SHROOM4: variants seen among roughly 807,000 people sequenced by gnomAD.
The protein encoded by SHROOM4 is shroom family member 4.
Under a neutral mutation model 80.3 loss-of-function variants are expected in SHROOM4, and 17 were observed. That is an observed-to-expected ratio of 0.21 (90% CI 0.14 to 0.32). SHROOM4 has a LOEUF of 0.32. SHROOM4 is among the 10% of genes least tolerant of loss of function. The pLI, the probability that SHROOM4 is intolerant of heterozygous loss-of-function variation, is 1.00. For missense variants in SHROOM4, 993 were observed against 1,140.3 expected, an observed-to-expected ratio of 0.87 and a Z score of 1.86; for synonymous variants, 400 against 437.5, an observed-to-expected ratio of 0.91 and a Z score of 1.07.
chrX:50,627,629 G>A lies in SHROOM4; in HGVS notation c.2942C>T (p.Thr981Ile). 8.3e-7 allele frequency: 1 copy of A among 1,210,854 alleles called. No individual in the cohort carries two copies. Among genetic ancestry groups the A allele is most frequent in the East Asian group, 3.0e-5 (1 of 33,820 alleles). Residue 981 changes from threonine to isoleucine, a missense_variant, in exon 5 of 9, where the codon ACC (threonine) becomes ATC (isoleucine). Coordinates refer to ENST00000376020, the MANE Select transcript of SHROOM4 (RefSeq NM_020717.5). ...KWNPITGNRK[T>I]SQSGREMAHS... ...GCTCACTTACCTCCCTGACTGGCTG[G>A]TCTTCCTGTTTCCTGTTATTGGATT...
At chrX:50,779,872 TC>T (rs1227324782) in intron 1 of SHROOM4, among the ~76,000 whole-genome samples, 1 of 111,404 alleles carries the variant, frequency 9.0e-6, no homozygotes, top group Non-Finnish European at 1.9e-5. Context: ...GGAAGGACAT[TC>T]CTGGAAGGGG....
downstream of SHROOM4, among the ~76,000 whole-genome samples, chrX:50,583,669 G>T (rs1302229963): frequency 9.0e-6 from 1 of 111,312 alleles, no homozygotes; most frequent in Non-Finnish European, 1.9e-5. Flanking sequence ...GCCACTAGGA[G>T]GTGAGGGTGG....
At chrX:50,760,721 A>G (rs1417452947) in intron 1 of SHROOM4, among the ~76,000 whole-genome samples, 1 of 111,704 alleles carries the variant, frequency 9.0e-6, no homozygotes, top group Non-Finnish European at 1.9e-5. Context: ...TTTACATGGT[A>G]TATCTTTCTC....
chrX:50,664,928 GACAC>G (rs782486964), intron 2 of SHROOM4, among the ~76,000 whole-genome samples: 34 of 100,874 alleles, frequency 3.4e-4, no homozygotes, highest in South Asian at 8.8e-4. Flanking sequence ...ACACCACACA[GACAC>G]ACACACACAC....
chrX:50,673,072 A>G (rs938550373), intron 2 of SHROOM4, among the ~76,000 whole-genome samples: 1 of 111,723 alleles, frequency 9.0e-6, no homozygotes, highest in East Asian at 2.8e-4. Context: ...AAATGACAAA[A>G]GAAGGATTCC....
rs1386888176 is a variant in SHROOM4, at chrX:50,590,078, A to T, written c.*6617T>A. On this transcript the variant is annotated 3_prime_UTR_variant, in exon 9 of 9. Coordinates refer to ENST00000376020, the MANE Select transcript of SHROOM4 (RefSeq NM_020717.5). The stretch of plus-strand genomic sequence containing the variant: ...GCTTGCTAGCCAGTTGCATATTGCT[A>T]TAAGCTGAATGTTTGTGTCCTCTCC... 9.0e-6 allele frequency among the ~76,000 whole-genome samples: 1 copy of T among 111,525 alleles called. No individual in the cohort carries two copies. Among genetic ancestry groups the T allele is most frequent in the African/African-American group, 3.3e-5 (1 of 30,652 alleles).
intron 1 of SHROOM4, among the ~76,000 whole-genome samples, chrX:50,781,353 T>C (rs1385423185): frequency 1.8e-5 from 2 of 109,955 alleles, no homozygotes; most frequent in Non-Finnish European, 3.8e-5. Flanking sequence ...AGCTCCATAT[T>C]ACACTCACGA....
At position 50,687,267 on chromosome X, in the gene SHROOM4, C is replaced by CTTTTTTTTTTTTT. The variant is rs1217867502; in HGVS notation, c.269+8506_269+8518dup. On this transcript the variant is annotated intron_variant, in intron 2 of 8. Coordinates refer to ENST00000376020, the MANE Select transcript of SHROOM4 (RefSeq NM_020717.5). ...CTATTCAACTTTGCCATTTTGGTGT[C>CTTTTTTTTTTTTT]TTTTTTTTTTTTTTTTAAAAACAGC... 3.8e-3 allele frequency: 336 copies of CTTTTTTTTTTTTT among 88,703 alleles called. 4 individuals are homozygous for CTTTTTTTTTTTTT. The highest frequency in any genetic ancestry group is 0.014 in the African/African-American group (314 of 21,988). The allele number at this position is 88,703 out of a possible 1,213,427, so 7.3% of individuals were successfully genotyped here. A position where few individuals can be genotyped will look rare whatever the true frequency, so the allele number is the denominator to read the frequency against.
At chrX:50,784,456 C>T (rs191622119) in intron 1 of SHROOM4, among the ~76,000 whole-genome samples, 124 of 111,882 alleles carry the variant, frequency 1.1e-3, no homozygotes, top group African/African-American at 3.8e-3. Context: ...AGTCAATGCA[C>T]CTGGCCTGGA....
the SHROOM4 span, among the ~76,000 whole-genome samples, chrX:50,576,814 A>G: frequency 8.9e-6 from 1 of 111,977 alleles, no homozygotes; most frequent in Non-Finnish European, 1.9e-5. Context: ...GTCTACAGAC[A>G]TTTTAACGGT....
At position 50,635,138 on chromosome X, in the gene SHROOM4, C is replaced by T. The variant is rs150409450; in HGVS notation, c.935G>A (p.Ser312Asn). 1.6e-4 allele frequency: 188 copies of T among 1,209,041 alleles called. No homozygotes were observed. The African/African-American group carries it at 3.0e-3, about 19-fold the overall frequency. The change falls in exon 4 of 9, where the codon AGC (serine) becomes AAC (asparagine). Residue 312 changes from serine to asparagine, a missense_variant. Transcript: ENST00000376020. ...CCTTGCGGGTAGCACAGGCTCTAAG[C>T]TCAGTTTCTCCTTCTGTGGCAAGGG... ...VVPLPQKEKL[S>N]LEPVLPARNP... is the part of the protein sequence containing the mutation.
At position 50,590,725 on chromosome X, in the gene SHROOM4, G is replaced by T. The variant is rs1366518674; in HGVS notation, c.*5970C>A. ...TAAGACAATCAGTCTATGGTAGTAT[G>T]TTATAGCAACCCAAGCATACTAAAA... On this transcript the variant is annotated 3_prime_UTR_variant, in exon 9 of 9. Transcript: ENST00000376020. 2.7e-5 allele frequency among the ~76,000 whole-genome samples: 3 copies of T among 112,299 alleles called. No homozygotes were observed. Among genetic ancestry groups the T allele is most frequent in the Admixed American group, 9.4e-5 (1 of 10,648 alleles).
rs1929762355 is a variant in SHROOM4, at chrX:50,607,910, T to C, written c.3232A>G (p.Arg1078Gly). 7 of 1,211,593 alleles carry C rather than the reference T, an allele frequency of 5.8e-6. No homozygotes were observed. In the Admixed American group the frequency reaches 1.3e-4, roughly 23 times the overall value. The change falls in exon 6 of 9, where the codon AGG (arginine) becomes GGG (glycine). Residue 1078 changes from arginine to glycine, a missense_variant. Arg to Gly is a moderately radical substitution (Grantham distance 125). Transcript: ENST00000376020. ...QSTRAWGQHR[R>G]ELFSKGDETQ... The stretch of plus-strand genomic sequence containing the variant: ...TCATCACCTTTGCTAAAGAGCTCCC[T>C]CCTATGCTGCCCCCAGGCCCGGGTG...
At position 50,735,765 on chromosome X, in the gene SHROOM4, T is replaced by C. The variant is rs782804460; in HGVS notation, c.118-39828A>G. ...GCTCACGCCTGTAATCCCAACACTT[T>C]GGGAGGCTGAGGTGGGCGGATCACG... On this transcript the variant is annotated intron_variant, in intron 1 of 8. Coordinates refer to ENST00000376020, the MANE Select transcript of SHROOM4 (RefSeq NM_020717.5). Among the ~76,000 whole-genome samples the C allele has an allele frequency of 1.3e-4, 14 of 111,559 alleles. No individual in the cohort carries two copies. In the East Asian group the frequency reaches 4.0e-3, roughly 32 times the overall value.
chrX:50,699,875 T>A (rs1307822340), intron 1 of SHROOM4, among the ~76,000 whole-genome samples: 2 of 112,039 alleles, frequency 1.8e-5, no homozygotes, highest in Non-Finnish European at 3.8e-5. Flanking sequence ...TTGAATACAT[T>A]TAGGAGATGA....
intron 1 of SHROOM4, among the ~76,000 whole-genome samples, chrX:50,748,258 G>C (rs906255707): frequency 1.8e-5 from 2 of 111,818 alleles, no homozygotes; most frequent in Middle Eastern, 4.6e-3. Flanking sequence ...ACTGACATAT[G>C]GGGAACAGTT....
At chrX:50,609,263 A>G (rs1401929975) in intron 5 of SHROOM4, among the ~76,000 whole-genome samples, 1 of 95,138 alleles carries the variant, frequency 1.1e-5, no homozygotes, top group Non-Finnish European at 1.9e-5. Context: ...CCTTGTCTCA[A>G]AAAAAAAAAT....
intron 1 of SHROOM4, among the ~76,000 whole-genome samples, chrX:50,703,967 A>G (rs1454410089): frequency 2.7e-5 from 3 of 111,782 alleles, no homozygotes; most frequent in African/African-American, 9.7e-5. Flanking sequence ...TTCAGGGAGA[A>G]CCAGAGTGGA....
intron 1 of SHROOM4, among the ~76,000 whole-genome samples, chrX:50,715,212 C>T (rs1419323824): frequency 9.0e-6 from 1 of 110,752 alleles, no homozygotes; most frequent in Non-Finnish European, 1.9e-5. Context: ...GTTAGTAAGG[C>T]CTGTGCACTC....
Sources: gnomAD v4.1 joint callset for allele counts (sites outside exome capture counted in the v4.1 genomes callset) on GRCh38, gnomAD v4.1.1 for gene constraint, MANE v1.5 for transcripts, NCBI Gene and HGNC (gene_info 2026-07-23, HGNC 2026-07-21) for gene names.